Variants in BANK1 observed in about 807,000 individuals in gnomAD.
BANK1 encodes B-cell scaffold protein with ankyrin repeats.
A neutral mutation model predicts 94.5 loss-of-function variants in BANK1; 95 were observed. The ratio of observed to expected loss-of-function variants is 1.00; its 90% confidence interval spans 0.85 to 1.19. BANK1 has a LOEUF of 1.19. Among genes scored for constraint, BANK1 ranks in the 50% most tolerant of loss-of-function variants. The pLI is 0.00. For synonymous variants in BANK1, 334 were observed against 308.4 expected (o/e 1.08, Z -0.87); for missense variants, 987 against 932.2 (o/e 1.06, Z -0.77).
At chr4:101,970,316 T>C (rs954198589) in intron 7 of BANK1, among the ~76,000 whole-genome samples, 3 of 152,134 alleles carry the variant, frequency 2.0e-5, no homozygotes, top group African/African-American at 4.8e-5. Context: ...AGACAATAAA[T>C]GGAAAGTTGA....
Position 101,856,215 on chromosome 4 carries a change from AC to A in BANK1, c.624+1030del, listed in dbSNP as rs572967125. 5.3e-5 allele frequency among the ~76,000 whole-genome samples: 8 copies of A among 152,240 alleles called. No homozygotes were observed. The South Asian group carries it at 1.7e-3, about 32-fold the overall frequency. On this transcript the variant is annotated intron_variant, in intron 3 of 16. Transcript: ENST00000322953. The stretch of plus-strand genomic sequence containing the variant: ...CCTCACCCTCACTCTCTAGACCCTT[AC>A]CCCATGCCTAAGCAGAAGAATTGCT...
rs78716326 is a variant in BANK1 at position 101,959,523 on chromosome 4, T to C, written c.1206+41334T>C. ...CTATTTGGAATTTGAAAAATTCAACTATAGCATGAAAATGCCAAGGCAAGG... is the reference window on the plus strand; with the variant it reads ...CTATTTGGAATTTGAAAAATTCAACCATAGCATGAAAATGCCAAGGCAAGG... On this transcript the variant is annotated intron_variant, in intron 7 of 16. Transcript: ENST00000322953. Among the ~76,000 whole-genome samples the C allele has an allele frequency of 4.7e-3, 710 of 152,320 alleles. 13 individuals are homozygous for C. In the East Asian group the frequency reaches 0.057, roughly 12 times the overall value.
chr4:102,005,941 G>T (rs143092490), intron 7 of BANK1, among the ~76,000 whole-genome samples: 2 of 152,022 alleles, frequency 1.3e-5, no homozygotes, highest in African/African-American at 4.8e-5. Context: ...ACAATATTGC[G>T]TATAAAGAAA....
intron 5 of BANK1, among the ~76,000 whole-genome samples, chr4:101,880,222 A>T (rs916722325): frequency 2.0e-5 from 3 of 152,154 alleles, no homozygotes; most frequent in Non-Finnish European, 1.5e-5. Context: ...ATTAGAACTG[A>T]TAAACAAATT....
At chr4:101,923,321 A>G (rs1273115731) in intron 7 of BANK1, among the ~76,000 whole-genome samples, 1 of 151,806 alleles carries the variant, frequency 6.6e-6, no homozygotes, top group African/African-American at 2.4e-5. Context: ...CATGCTTTAC[A>G]TAGACATATA....
intron 7 of BANK1, among the ~76,000 whole-genome samples, chr4:102,014,933 A>G (rs1726642042): frequency 6.6e-6 from 1 of 152,136 alleles, no homozygotes; most frequent in African/African-American, 2.4e-5. Flanking sequence ...CAAATTCAGG[A>G]TGATTCTGTC....
intron 5 of BANK1, among the ~76,000 whole-genome samples, chr4:101,876,829 G>C (rs1728506961): frequency 6.6e-6 from 1 of 152,148 alleles, no homozygotes; most frequent in African/African-American, 2.4e-5. Context: ...AATTCTGTCA[G>C]AGAAATTTAA....
At chr4:101,865,736 C>T (rs1214467385) in intron 4 of BANK1, among the ~76,000 whole-genome samples, 1 of 152,030 alleles carries the variant, frequency 6.6e-6, no homozygotes, top group Non-Finnish European at 1.5e-5. Context: ...TTCCCTACCA[C>T]CTTATGGTTA....
chr4:101,798,422 A>G (rs528614578), intron 1 of BANK1, among the ~76,000 whole-genome samples: 1 of 152,370 alleles, frequency 6.6e-6, no homozygotes, highest in African/African-American at 2.4e-5. Context: ...TATAGAGAAC[A>G]GCTCCATGAA....
At chr4:101,960,029 T>A (rs897486482) in intron 7 of BANK1, among the ~76,000 whole-genome samples, 2 of 152,170 alleles carry the variant, frequency 1.3e-5, no homozygotes, top group African/African-American at 4.8e-5. Context: ...GTGGGTGCAC[T>A]CCTTCACTTT....
chr4:101,915,057 G>A (rs887544222), intron 6 of BANK1, among the ~76,000 whole-genome samples: 4 of 152,146 alleles, frequency 2.6e-5, no homozygotes, highest in Admixed American at 1.3e-4. Context: ...CTGGGAAAGT[G>A]CCTTAAGGTG....
intron 1 of BANK1, among the ~76,000 whole-genome samples, chr4:101,807,486 A>G (rs1309377856): frequency 6.6e-6 from 1 of 152,116 alleles, no homozygotes; most frequent in Non-Finnish European, 1.5e-5. Flanking sequence ...AGGATTGGAT[A>G]AGTATTCTAA....
chr4:101,976,389 G>GAATACACAAAAAT (rs1370422594), intron 7 of BANK1, among the ~76,000 whole-genome samples: 1 of 152,070 alleles, frequency 6.6e-6, no homozygotes, highest in Non-Finnish European at 1.5e-5. Context: ...TGCTGGCAAA[G>GAATACACAAAAAT]AATACACAAA....
chr4:102,057,140 G>A (rs1172532214), intron 11 of BANK1, among the ~76,000 whole-genome samples: 2 of 152,082 alleles, frequency 1.3e-5, no homozygotes, highest in Non-Finnish European at 2.9e-5. Context: ...TCTCCTAATG[G>A]ACCTGAGCTT....
At chr4:101,812,784 C>T (rs949951229) in intron 1 of BANK1, among the ~76,000 whole-genome samples, 4 of 151,944 alleles carry the variant, frequency 2.6e-5, no homozygotes, top group African/African-American at 9.7e-5. Flanking sequence ...CAGGAATTTC[C>T]AATGCTTCAT....
At chr4:102,052,274 C>A (rs745432726) in intron 11 of BANK1, among the ~76,000 whole-genome samples, 2 of 151,844 alleles carry the variant, frequency 1.3e-5, no homozygotes, top group Non-Finnish European at 2.9e-5. Context: ...TGTGCTACCA[C>A]GACCAGCTAA....
intron 7 of BANK1, among the ~76,000 whole-genome samples, chr4:101,940,250 G>GA (rs5860704): frequency 0.37 from 54,769 of 146,862 alleles, 11,355 homozygotes; most frequent in South Asian, 0.53. Context: ...TTCTAAGCAG[G>GA]AAAAAAAAAA....
intron 7 of BANK1, among the ~76,000 whole-genome samples, chr4:101,965,760 A>C (rs530051381): frequency 6.6e-6 from 1 of 152,074 alleles, no homozygotes; most frequent in Non-Finnish European, 1.5e-5. Flanking sequence ...CTTGGGTACC[A>C]CTGAGTTTTC....
At chr4:102,039,591 A>C (rs1404088037) in intron 10 of BANK1, among the ~76,000 whole-genome samples, 1 of 152,054 alleles carries the variant, frequency 6.6e-6, no homozygotes, top group Non-Finnish European at 1.5e-5. Flanking sequence ...TTGAGTTATG[A>C]TTCTGACCCT....
Sources: gnomAD v4.1 joint callset for allele counts (sites outside exome capture counted in the v4.1 genomes callset) on GRCh38, gnomAD v4.1.1 for gene constraint, MANE v1.5 for transcripts, NCBI Gene and HGNC (gene_info 2026-07-23, HGNC 2026-07-21) for gene names.